ZNF750: variants seen among roughly 807,000 people sequenced by gnomAD.
ZNF750 encodes the protein protein ZNF750.
A neutral mutation model predicts 31.6 loss-of-function variants in ZNF750; 10 were observed. The observed-to-expected ratio is 0.32, with a 90% CI of 0.19 to 0.54. ZNF750 has a LOEUF of 0.54. Among genes scored for constraint, ZNF750 ranks in the 20% least tolerant of loss-of-function variants. The pLI is 0.95. For missense variants in ZNF750, 914 were observed against 934.9 expected (o/e 0.98, Z 0.29); for synonymous variants, 400 against 404.9 (o/e 0.99, Z 0.15).
Position 82,830,069 on chromosome 17 carries a change from A to G in ZNF750, c.*73T>C. 1 of 1,599,552 alleles carries G rather than the reference A, an allele frequency of 6.3e-7. No individual in the cohort carries two copies. The highest frequency in any genetic ancestry group is 8.5e-7 in the Non-Finnish European group (1 of 1,170,790). ...TAAAAATGTGAAAGTGCCAGTTCAG[A>G]GGTGTTGTAGCTTGCCACCTTGGAA... On this transcript the variant is annotated 3_prime_UTR_variant, in exon 3 of 3. Transcript: ENST00000269394.
Position 82,835,159 on chromosome 17 carries a change from G to A in ZNF750, c.-182-2523C>T, listed in dbSNP as rs935275006. Among the ~76,000 whole-genome samples, 1 of 152,150 alleles carries A rather than the reference G, an allele frequency of 6.6e-6. No individual in the cohort carries two copies. On this transcript the variant is annotated intron_variant, in intron 1 of 2. Coordinates refer to ENST00000269394, the MANE Select transcript of ZNF750 (RefSeq NM_024702.3). This position sits in a 1 kb window ranked among gnomAD's most constrained non-coding sequence, Gnocchi z 4.5. ...CAGATGTGCCCATTCTTGAGTCTGT[G>A]AGGTTTTATGTGTAGACATCAGGGT...
rs1322260765 is a variant in ZNF750, at chr17:82,832,753, C to G, written c.-182-117G>C. ...AAGCAGAACCCCTGAAGGGCTGAAACTGCCTGCTCCTGAGGGGAGCAGCTG... is the reference window on the plus strand; with the variant it reads ...AAGCAGAACCCCTGAAGGGCTGAAAGTGCCTGCTCCTGAGGGGAGCAGCTG... On this transcript the variant is annotated intron_variant, in intron 1 of 2. Transcript: ENST00000269394. The surrounding 1 kb of genome is among the most constrained non-coding windows in gnomAD (Gnocchi z 4.9). 3 of 461,718 alleles carry G rather than the reference C, an allele frequency of 6.5e-6. No individual in the cohort carries two copies. The highest frequency in any genetic ancestry group is 1.2e-5 in the Non-Finnish European group (3 of 251,428). 28.6% of individuals were successfully genotyped at this position (461,718 alleles called of 1,614,324 possible). A position where few individuals can be genotyped will look rare whatever the true frequency, so the allele number is the denominator to read the frequency against.
intron 1 of ZNF750, among the ~76,000 whole-genome samples, chr17:82,836,448 C>T (rs973941237): frequency 5.9e-5 from 9 of 152,214 alleles, no homozygotes; most frequent in South Asian, 2.1e-4. Context: ...TGCGTCCTCG[C>T]GAGACCGAAA....
Position 82,830,330 on chromosome 17 carries a change from C to G in ZNF750, c.1984G>C (p.Ala662Pro). ...GDGDAAAPEP[A>P]CRQDTPTLSS... ...AGTGTGGGTGTGTCTTGCCGGCAGG[C>G]AGGTTCCGGGGCCGCAGCATCCCCA... Residue 662 changes from alanine to proline, a missense_variant, in exon 3 of 3, where the codon GCC (alanine) becomes CCC (proline). Physicochemically the swap from Ala to Pro is conservative, Grantham distance 27 (BLOSUM62 -1). This residue lies in a region of ZNF750 where 880 missense variants were observed against 868.9 expected (regional missense o/e 1.01). Coordinates refer to ENST00000269394, the MANE Select transcript of ZNF750 (RefSeq NM_024702.3). 2 of 1,614,022 alleles carry G rather than the reference C, an allele frequency of 1.2e-6. No homozygotes were observed. Among genetic ancestry groups the G allele is most frequent in the Non-Finnish European group, 1.7e-6 (2 of 1,180,044 alleles).
Position 82,832,164 on chromosome 17 carries a change from G to A in ZNF750, c.291C>T (p.Ala97=), listed in dbSNP as rs968727473. 3 of 1,614,274 alleles carry A rather than the reference G, an allele frequency of 1.9e-6. No homozygotes were observed. The highest frequency in any genetic ancestry group is 2.2e-5 in the East Asian group (1 of 44,888). ...AGCTGTGCTGAAGCTTCGAGTCGAA[G>A]GCAGAGAGTCCATTTGCGACAGACT... ...SSKSVANGLS[A]FDSKLQHSSA... is the part of the protein sequence containing the mutation. Residue 97 remains alanine (A), a synonymous_variant, in exon 2 of 3, where the codon GCC becomes GCT. Coordinates refer to ENST00000269394, the MANE Select transcript of ZNF750 (RefSeq NM_024702.3). This position sits in a 1 kb window ranked among gnomAD's most constrained non-coding sequence, Gnocchi z 4.9.
rs1337441498 is a variant in ZNF750 at position 82,831,764 on chromosome 17, T to C, written c.691A>G (p.Ile231Val). Residue 231 changes from isoleucine (I) to valine (V), a missense_variant, in exon 2 of 3, where the codon ATT (isoleucine) becomes GTT (valine). Physicochemically the swap from Ile to Val is conservative, Grantham distance 29. This residue lies in a region of ZNF750 where 880 missense variants were observed against 868.9 expected (regional missense o/e 1.01). Coordinates refer to ENST00000269394, the MANE Select transcript of ZNF750 (RefSeq NM_024702.3). The surrounding 1 kb of genome is among the most constrained non-coding windows in gnomAD (Gnocchi z 4.6). The stretch of plus-strand genomic sequence containing the variant: ...ATTGTGGGGTGCATGTAAGGGGAAA[T>C]GGCCCCAAGCCCCTTTGTAGATGAG... ...KISSTKGLGA[I>V]SPYMHPTIPE... is the part of the protein sequence containing the mutation. The C allele has an allele frequency of 1.9e-6, 3 of 1,613,764 alleles. No homozygotes were observed. The African/African-American group carries it at 4.0e-5, about 22-fold the overall frequency.
At position 82,831,561 on chromosome 17, in the gene ZNF750, A is replaced by C; in HGVS notation, c.894T>G (p.Ser298=). The C allele has an allele frequency of 6.2e-7, 1 of 1,614,104 alleles. No individual in the cohort carries two copies. The highest frequency in any genetic ancestry group is 8.5e-7 in the Non-Finnish European group (1 of 1,180,008). The change falls in exon 2 of 3, where the codon TCT becomes TCG. Residue 298 remains serine (S), a synonymous_variant. Transcript: ENST00000269394. The surrounding 1 kb of genome is among the most constrained non-coding windows in gnomAD (Gnocchi z 4.6). ...ACCTGTAGTGATCGTATGTGGCTGG[A>C]GATGGAGCCAGGTGCTTAGGGATCG... ...PGPIPKHLAP[S]PATYDHYRFF...
At position 82,832,089 on chromosome 17, in the gene ZNF750, G is replaced by A; in HGVS notation, c.366C>T (p.Thr122=). The change falls in exon 2 of 3, where the codon ACC becomes ACT. Residue 122 remains threonine, a synonymous_variant. Coordinates refer to ENST00000269394, the MANE Select transcript of ZNF750 (RefSeq NM_024702.3). This position sits in a 1 kb window ranked among gnomAD's most constrained non-coding sequence, Gnocchi z 4.9. ...CTGGCTTCTGTCCCAGGCACCTGTGGGTTCCCCGGGCTTGCAGCTCCAGGT... is the reference window on the plus strand; with the variant it reads ...CTGGCTTCTGTCCCAGGCACCTGTGAGTTCCCCGGGCTTGCAGCTCCAGGT... ...KENLELQARG[T]HRCLGQKPAL... 1 of 1,614,188 alleles carries A rather than the reference G, an allele frequency of 6.2e-7. No homozygotes were observed. The highest frequency in any genetic ancestry group is 1.1e-5 in the South Asian group (1 of 91,090).
intron 1 of ZNF750, among the ~76,000 whole-genome samples, chr17:82,836,138 G>A (rs1241155761): frequency 1.3e-5 from 2 of 152,248 alleles, no homozygotes; most frequent in African/African-American, 2.4e-5. Flanking sequence ...AGTCCCTACC[G>A]TGTGGGGCAG....
Position 82,831,873 on chromosome 17 carries a change from G to A in ZNF750, c.582C>T (p.Phe194=), listed in dbSNP as rs780091597. The A allele has an allele frequency of 1.2e-6, 2 of 1,614,098 alleles. No homozygotes were observed. The highest frequency in any genetic ancestry group is 1.7e-6 in the Non-Finnish European group (2 of 1,180,046). Residue 194 remains phenylalanine (F), a synonymous_variant, in exon 2 of 3, where the codon TTC becomes TTT. Coordinates refer to ENST00000269394, the MANE Select transcript of ZNF750 (RefSeq NM_024702.3). The surrounding 1 kb of genome is among the most constrained non-coding windows in gnomAD (Gnocchi z 4.6). ...LHNPTAKAVS[F]HTKSAFHTPG... ...GAGTGTGGAAGGCCGACTTGGTGTG[G>A]AAAGACACGGCCTTGGCAGTGGGGT...
chr17:82,830,528 G>A lies in ZNF750; in HGVS notation c.1786C>T (p.His596Tyr). The change falls in exon 3 of 3, where the codon CAC (histidine) becomes TAC (tyrosine). Residue 596 changes from histidine to tyrosine, a missense_variant. By Grantham distance (83) the His-to-Tyr change is moderately conservative (BLOSUM62 2). Transcript: ENST00000269394. ...GTEGSEDGPS[H>Y]PETKPGSLDG... ...AGGCTGCCTGGCTTGGTCTCAGGGT[G>A]GCTGGGCCCATCCTCAGAACCTTCT... 1 of 1,614,080 alleles carries A rather than the reference G, an allele frequency of 6.2e-7. No individual in the cohort carries two copies. Among genetic ancestry groups the A allele is most frequent in the Admixed American group, 1.7e-5 (1 of 60,028 alleles).
At position 82,831,744 on chromosome 17, in the gene ZNF750, G is replaced by A. The variant is rs2053535558; in HGVS notation, c.711C>T (p.Pro237=). ...AGTGAGGCGGGTACTCTGGGATTGT[G>A]GGGTGCATGTAAGGGGAAATGGCCC... ...GLGAISPYMH[P]TIPEYPPHFY... Residue 237 remains proline (P), a synonymous_variant, in exon 2 of 3, where the codon CCC becomes CCT. Coordinates refer to ENST00000269394, the MANE Select transcript of ZNF750 (RefSeq NM_024702.3). This position sits in a 1 kb window ranked among gnomAD's most constrained non-coding sequence, Gnocchi z 4.6. 1 of 1,614,034 alleles carries A rather than the reference G, an allele frequency of 6.2e-7. No homozygotes were observed. Among genetic ancestry groups the A allele is most frequent in the Non-Finnish European group, 8.5e-7 (1 of 1,180,030 alleles).
intron 1 of ZNF750, among the ~76,000 whole-genome samples, chr17:82,839,524 C>G (rs1189703677): frequency 6.6e-6 from 1 of 150,588 alleles, no homozygotes; most frequent in African/African-American, 2.5e-5. Flanking sequence ...ATACACCACA[C>G]ATATAACCCT....
chr17:82,832,476 T>A lies in ZNF750; in HGVS notation c.-22A>T. On this transcript the variant is annotated 5_prime_UTR_variant, in exon 2 of 3. Transcript: ENST00000269394. This position sits in a 1 kb window ranked among gnomAD's most constrained non-coding sequence, Gnocchi z 4.9. The stretch of plus-strand genomic sequence containing the variant: ...TCATTTTCCTCCTTATGCCTTGGAC[T>A]CTGGCTGTCCAGGTGGCGTGATCAC... 1.9e-6 allele frequency: 3 copies of A among 1,599,616 alleles called. No individual in the cohort carries two copies. Among genetic ancestry groups the A allele is most frequent in the Non-Finnish European group, 2.6e-6 (3 of 1,175,088 alleles).
At position 82,830,565 on chromosome 17, in the gene ZNF750, C is replaced by A. The variant is rs2053402950; in HGVS notation, c.1749G>T (p.Gln583His). 5 of 1,614,070 alleles carry A rather than the reference C, an allele frequency of 3.1e-6. No homozygotes were observed. The highest frequency in any genetic ancestry group is 4.2e-6 in the Non-Finnish European group (5 of 1,179,986). The change falls in exon 3 of 3, where the codon CAG (glutamine) becomes CAT (histidine). Residue 583 changes from glutamine to histidine, a missense_variant. Transcript: ENST00000269394. ...RAAEPAAAVP[Q>H]KTGTEGSEDG... The stretch of plus-strand genomic sequence containing the variant: ...CCTCAGAACCTTCTGTCCCAGTCTT[C>A]TGTGGAACAGCAGCAGCAGGTTCTG...
chr17:82,830,032 C>G lies in ZNF750; in HGVS notation c.*110G>C. On this transcript the variant is annotated 3_prime_UTR_variant, in exon 3 of 3. Coordinates refer to ENST00000269394, the MANE Select transcript of ZNF750 (RefSeq NM_024702.3). ...GTTTGTTTGTTTTTTTGAGAAGCAG[C>G]AGCTGCATTTGTAAAAATGTGAAAG... is the stretch of plus-strand genomic sequence containing the variant. 1.3e-6 allele frequency: 2 copies of G among 1,524,036 alleles called. No individual in the cohort carries two copies. The highest frequency in any genetic ancestry group is 2.3e-5 in the South Asian group (2 of 86,070). The allele number at this position is 1,524,036 out of a possible 1,614,324, so 94.4% of individuals were successfully genotyped here. A position where few individuals can be genotyped will look rare whatever the true frequency, so the allele number is the denominator to read the frequency against.
At chr17:82,836,698 A>G (rs539352139) in intron 1 of ZNF750, among the ~76,000 whole-genome samples, 1 of 143,178 alleles carries the variant, frequency 7.0e-6, no homozygotes, top group South Asian at 2.1e-4. Flanking sequence ...AAAAAAAAAA[A>G]CAAAACAAAA....
intron 1 of ZNF750, among the ~76,000 whole-genome samples, chr17:82,834,865 G>C (rs2053831656): frequency 6.6e-6 from 1 of 151,830 alleles, no homozygotes; most frequent in South Asian, 2.1e-4. Context: ...TTGTGTCCTG[G>C]AACTTAAAGT....
Position 82,835,113 on chromosome 17 carries a change from G to A in ZNF750, c.-182-2477C>T, listed in dbSNP as rs921381216. ...ACTTAAGAAAACTGTTTCAACTGCA[G>A]TATTTTTTTTAAGGAATGGGCAGAT... On this transcript the variant is annotated intron_variant, in intron 1 of 2. Coordinates refer to ENST00000269394, the MANE Select transcript of ZNF750 (RefSeq NM_024702.3). This position sits in a 1 kb window ranked among gnomAD's most constrained non-coding sequence, Gnocchi z 4.5. Among the ~76,000 whole-genome samples, 1 of 152,162 alleles carries A rather than the reference G, an allele frequency of 6.6e-6. No individual in the cohort carries two copies. The highest frequency in any genetic ancestry group is 2.4e-5 in the African/African-American group (1 of 41,440).
Sources: allele counts gnomAD v4.1 joint callset (sites outside exome capture counted in the v4.1 genomes callset), GRCh38; gene constraint gnomAD v4.1.1; regional missense constraint gnomAD v4.1.1; non-coding constraint Gnocchi (gnomAD v3.1); transcripts MANE v1.5; gene names NCBI Gene and HGNC (gene_info 2026-07-23, HGNC 2026-07-21).